MYBPC1: variants seen among roughly 807,000 people sequenced by gnomAD.
The protein encoded by MYBPC1 is myosin binding protein C1.
A neutral mutation model predicts 147.1 loss-of-function variants in MYBPC1; 52 were observed. That is an observed-to-expected ratio of 0.35 (90% CI 0.28 to 0.45). The LOEUF (loss-of-function observed/expected upper bound fraction) is 0.45, where lower values mean the gene tolerates loss of function less well. Ranked by LOEUF, MYBPC1 falls within the 20% of genes least tolerant of loss-of-function variation. The pLI is 1.00. For synonymous variants in MYBPC1, 477 were observed against 475.9 expected (o/e 1.00, Z -0.03); for missense variants, 1,228 against 1,440.3 (o/e 0.85, Z 2.39).
At position 101,666,671 on chromosome 12, in the gene MYBPC1, T is replaced by G. The variant is rs908377305; in HGVS notation, c.2357-1061T>G. 8.9e-6 allele frequency: 12 copies of G among 1,342,966 alleles called. No individual in the cohort carries two copies. The African/African-American group carries it at 1.7e-4, about 19-fold the overall frequency. The allele number at this position is 1,342,966 out of a possible 1,614,324, so 83.2% of individuals were successfully genotyped here. On this transcript the variant is annotated intron_variant, in intron 22 of 31. Coordinates refer to ENST00000361466, the MANE Select transcript of MYBPC1 (RefSeq NM_002465.4). ...TGCATACTTTACTAACAGAGAATGC[T>G]GACTGCTGATACGATATTATTCTGG... is the stretch of plus-strand genomic sequence containing the variant.
In MYBPC1 at chr12:101,649,286, C is replaced by T. The variant is rs768943080; in HGVS notation, c.1223C>T (p.Pro408Leu). Reference sequence around the variant, plus strand: ...TTTAAGAATGGTGAAGAGATTATCCCTGGTCCAAAATCAAGATACCGAATT... The same window carrying T: ...TTTAAGAATGGTGAAGAGATTATCCTTGGTCCAAAATCAAGATACCGAATT... ...KWFKNGEEII[P>L]GPKSRYRIRV... Residue 408 changes from proline (P) to leucine (L), a missense_variant, in exon 15 of 32, where the codon CCT (proline) becomes CTT (leucine). This residue lies in a region of MYBPC1 where 1,077 missense variants were observed against 1,314.2 expected (regional missense o/e 0.82). Transcript: ENST00000361466. The T allele has an allele frequency of 3.1e-6, 5 of 1,613,614 alleles. No individual in the cohort carries two copies. The highest frequency in any genetic ancestry group is 4.2e-6 in the Non-Finnish European group (5 of 1,179,652).
chr12:101,612,605 T>C (rs531729843), intron 1 of MYBPC1, among the ~76,000 whole-genome samples: 46 of 152,238 alleles, frequency 3.0e-4, no homozygotes, highest in African/African-American at 1.1e-3. Context: ...AGTTGTAGGA[T>C]AAATAACTTC....
At chr12:101,645,056 A>G (rs1298606130) in intron 12 of MYBPC1, among the ~76,000 whole-genome samples, 1 of 152,186 alleles carries the variant, frequency 6.6e-6, no homozygotes, top group Non-Finnish European at 1.5e-5. Flanking sequence ...TATAGGTTAT[A>G]TGTGATTATT....
intron 18 of MYBPC1, among the ~76,000 whole-genome samples, chr12:101,657,244 A>G (rs1344624663): frequency 6.6e-6 from 1 of 152,202 alleles, no homozygotes. Context: ...ATGATTGCAT[A>G]TATTTAAAAA....
At chr12:101,628,862 G>A (rs1212877855) in intron 5 of MYBPC1, among the ~76,000 whole-genome samples, 1 of 152,172 alleles carries the variant, frequency 6.6e-6, no homozygotes, top group Non-Finnish European at 1.5e-5. Context: ...TTGTACCACA[G>A]GTCATGATCT....
chr12:101,682,314 G>C (rs899070701), intron 29 of MYBPC1, among the ~76,000 whole-genome samples: 1 of 152,088 alleles, frequency 6.6e-6, no homozygotes, highest in African/African-American at 2.4e-5. Context: ...CCTTAAAAGC[G>C]AATAGTATTA....
At chr12:101,677,115 T>C (rs1900172341) in intron 26 of MYBPC1, 120 bp from the exon 27 acceptor site, 2 of 914,870 alleles carry the variant, frequency 2.2e-6, no homozygotes, top group Non-Finnish European at 3.3e-6. Context: ...CATATAAAAA[T>C]GAGTGGTCTT....
chr12:101,594,997 C>A lies in MYBPC1; in HGVS notation c.-74C>A. ...TCACACCGACCTGCACCATCTCTCG[C>A]CTGCCTGTGGGGTTTCTGTCAACTA... On this transcript the variant is annotated 5_prime_UTR_variant, in exon 1 of 32. Transcript: ENST00000361466. 6.8e-7 allele frequency: 1 copy of A among 1,475,500 alleles called. No homozygotes were observed. Among genetic ancestry groups the A allele is most frequent in the Non-Finnish European group, 9.5e-7 (1 of 1,056,016 alleles). The allele number at this position is 1,475,500 out of a possible 1,614,324, so 91.4% of individuals were successfully genotyped here.
chr12:101,663,702 T>C (rs1431198879), intron 22 of MYBPC1, 142 bp downstream of exon 22: 10 of 984,490 alleles, frequency 1.0e-5, no homozygotes, highest in East Asian at 5.2e-5. Flanking sequence ...TTCTGAGATG[T>C]ATATAAACTA....
chr12:101,647,576 GAAAAC>G (rs76794158), intron 13 of MYBPC1, among the ~76,000 whole-genome samples: 10 of 151,916 alleles, frequency 6.6e-5, no homozygotes, highest in South Asian at 4.2e-4. Flanking sequence ...AACAGACATA[GAAAAC>G]AAAACAAAAC....
intron 18 of MYBPC1, among the ~76,000 whole-genome samples, chr12:101,655,845 G>A (rs1020458965): frequency 1.3e-5 from 2 of 151,572 alleles, no homozygotes; most frequent in African/African-American, 2.4e-5. Flanking sequence ...CATAAAGAAA[G>A]AAAGAGTATA....
intron 2 of MYBPC1, among the ~76,000 whole-genome samples, chr12:101,615,904 T>G (rs563286694): frequency 6.6e-6 from 1 of 152,120 alleles, no homozygotes; most frequent in Non-Finnish European, 1.5e-5. Context: ...CTTTTTTCTT[T>G]TCTTTCTCTT....
chr12:101,643,514 G>T (rs751832472), intron 11 of MYBPC1, among the ~76,000 whole-genome samples: 40 of 152,040 alleles, frequency 2.6e-4, no homozygotes, highest in Non-Finnish European at 5.0e-4. Flanking sequence ...TTTTTTAAAA[G>T]CTAGGGTTTA....
chr12:101,613,348 T>C (rs997236072), intron 1 of MYBPC1, among the ~76,000 whole-genome samples: 4 of 152,134 alleles, frequency 2.6e-5, no homozygotes, highest in Non-Finnish European at 5.9e-5. Context: ...TTAACAAGAG[T>C]CACTTGTGGA....
intron 1 of MYBPC1, among the ~76,000 whole-genome samples, chr12:101,612,214 C>T (rs971553291): frequency 1.3e-5 from 2 of 152,036 alleles, no homozygotes; most frequent in Non-Finnish European, 2.9e-5. Flanking sequence ...CAGGAACTAC[C>T]CTATGCATCT....
intron 12 of MYBPC1, 33 bp downstream of exon 12, chr12:101,644,829 C>G (rs756586447): frequency 6.2e-7 from 1 of 1,600,746 alleles, no homozygotes; most frequent in East Asian, 2.2e-5. Context: ...AGTGATAGCT[C>G]TACAGTAAAT....
chr12:101,628,581 C>G (rs1670609064), intron 5 of MYBPC1, among the ~76,000 whole-genome samples: 1 of 152,008 alleles, frequency 6.6e-6, no homozygotes, highest in Admixed American at 6.5e-5. Flanking sequence ...GAGTTGGCAA[C>G]CTATGCATTT....
intron 1 of MYBPC1, chr12:101,600,243 A>G (rs1053648924): frequency 6.6e-6 from 1 of 152,100 alleles, no homozygotes; most frequent in Non-Finnish European, 1.5e-5. Flanking sequence ...AAGAACTTAC[A>G]ATCCTTTATG....
At chr12:101,669,145 TG>T (rs985558539) in intron 23 of MYBPC1, among the ~76,000 whole-genome samples, 2 of 152,118 alleles carry the variant, frequency 1.3e-5, no homozygotes, top group Non-Finnish European at 2.9e-5. Flanking sequence ...CTCTTGAGTA[TG>T]TTTTTTTTCT....
Sources: allele counts gnomAD v4.1 joint callset (sites outside exome capture counted in the v4.1 genomes callset), GRCh38; gene constraint gnomAD v4.1.1; regional missense constraint gnomAD v4.1.1; transcripts MANE v1.5; gene names NCBI Gene and HGNC (gene_info 2026-07-23, HGNC 2026-07-21).